ZMYND12: variants seen among roughly 807,000 people sequenced by gnomAD.
The protein encoded by ZMYND12 is zinc finger MYND domain-containing protein 12.
ZMYND12 carries 32 observed loss-of-function variants against 41.7 expected under a neutral mutation model. That is an observed-to-expected ratio of 0.77 (90% CI 0.58 to 1.03). The LOEUF is 1.03. Ranked by LOEUF, ZMYND12 falls within the 50% of genes least tolerant of loss-of-function variation. The probability of loss-of-function intolerance (pLI) is 0.00; values close to 1 mark genes in which losing one functional copy is unlikely to be tolerated. For missense variants in ZMYND12, 424 were observed against 438.5 expected, an observed-to-expected ratio of 0.97 and a Z score of 0.30; for synonymous variants, 148 against 164.8, an observed-to-expected ratio of 0.90 and a Z score of 0.78.
In ZMYND12 at chr1:42,433,237, A is replaced by G. The variant is rs1642873113; in HGVS notation, c.881T>C (p.Ile294Thr). The change falls in exon 7 of 8, where the codon ATT (isoleucine) becomes ACT (threonine). Residue 294 changes from isoleucine to threonine, a missense_variant. By Grantham distance (89) the Ile-to-Thr change is moderately conservative. Transcript: ENST00000372565. Reference protein sequence around the residue: ...AIRILTSILNIRESTSDKAPQ... With the variant: ...AIRILTSILNTRESTSDKAPQ... ...GGCTTTGTCAGATGTAGATTCTCGA[A>G]TGTTCAAGATTGAAGTCAGGATGCG... 6.2e-7 allele frequency: 1 copy of G among 1,612,550 alleles called. No individual in the cohort carries two copies. The highest frequency in any genetic ancestry group is 8.5e-7 in the Non-Finnish European group (1 of 1,179,568).
At chr1:42,446,726 A>G (rs1018763016) in intron 3 of ZMYND12, among the ~76,000 whole-genome samples, 1 of 151,838 alleles carries the variant, frequency 6.6e-6, no homozygotes, top group African/African-American at 2.4e-5. Flanking sequence ...CCATTATTAT[A>G]TTTACACTTA....
intron 6 of ZMYND12, among the ~76,000 whole-genome samples, chr1:42,434,479 C>T (rs552913856): frequency 4.6e-5 from 7 of 152,050 alleles, no homozygotes; most frequent in South Asian, 2.1e-4. Flanking sequence ...TGTTAGGAAT[C>T]GGGCTGCACA....
rs751968514 is a variant in ZMYND12, at chr1:42,433,225, G to A, written c.893C>T (p.Thr298Ile). 9.3e-6 allele frequency: 15 copies of A among 1,612,900 alleles called. No individual in the cohort carries two copies. Among genetic ancestry groups the A allele is most frequent in the Non-Finnish European group, 1.2e-5 (14 of 1,179,612 alleles). The change falls in exon 7 of 8, where the codon ACA (threonine) becomes ATA (isoleucine). Residue 298 changes from threonine (T) to isoleucine (I), a missense_variant. By Grantham distance (89) the Thr-to-Ile change is moderately conservative. Coordinates refer to ENST00000372565, the MANE Select transcript of ZMYND12 (RefSeq NM_032257.5). Reference protein sequence around the residue: ...LTSILNIRESTSDKAPQKTIF... With the variant: ...LTSILNIRESISDKAPQKTIF... ...GGTTTTTTGGGGGGCTTTGTCAGATGTAGATTCTCGAATGTTCAAGATTGA... is the reference window on the plus strand; with the variant it reads ...GGTTTTTTGGGGGGCTTTGTCAGATATAGATTCTCGAATGTTCAAGATTGA...
Position 42,455,954 on chromosome 1 carries a change from A to C in ZMYND12, c.44T>G (p.Leu15Arg). The change falls in exon 1 of 8, where the codon CTC (leucine) becomes CGC (arginine). Residue 15 changes from leucine (L) to arginine (R), a missense_variant. Transcript: ENST00000372565. ...TGGGGCTTCGCACACCTCACAGCAG[A>C]GTCTGCGCCCCTTGGGGACTGCCAG... ...YPLAVPKGRR[L>R]CCEVCEAPAE... 6.2e-7 allele frequency: 1 copy of C among 1,613,754 alleles called. No individual in the cohort carries two copies. Among genetic ancestry groups the C allele is most frequent in the Non-Finnish European group, 8.5e-7 (1 of 1,180,008 alleles).
intron 1 of ZMYND12, 126 bp downstream of exon 1, chr1:42,455,762 A>T: frequency 1.5e-6 from 1 of 667,500 alleles, no homozygotes; most frequent in Non-Finnish European, 2.5e-6. Context: ...GGCCTGTCTT[A>T]AAGCCGTTTT....
intron 3 of ZMYND12, among the ~76,000 whole-genome samples, chr1:42,440,376 G>A (rs1198413625): frequency 6.6e-6 from 1 of 152,158 alleles, no homozygotes; most frequent in African/African-American, 2.4e-5. Flanking sequence ...CTAAGTGAAA[G>A]AAACCAGACA....
At chr1:42,446,973 T>A (rs1001403332) in intron 3 of ZMYND12, among the ~76,000 whole-genome samples, 1 of 152,048 alleles carries the variant, frequency 6.6e-6, no homozygotes, top group Non-Finnish European at 1.5e-5. Flanking sequence ...AGTTTGAGGA[T>A]CAAATTAACG....
At chr1:42,437,764 C>A (rs572544457) in intron 4 of ZMYND12, among the ~76,000 whole-genome samples, 2 of 152,188 alleles carry the variant, frequency 1.3e-5, no homozygotes, top group African/African-American at 4.8e-5. Context: ...TCACTGCAAC[C>A]TCTGCCTCCC....
Position 42,433,259 on chromosome 1 carries a change from T to A in ZMYND12, c.859A>T (p.Ile287Phe). Reference protein sequence around the residue: ...DEAQEAEAIRILTSILNIRES... With the variant: ...DEAQEAEAIRFLTSILNIRES... ...CGAATGTTCAAGATTGAAGTCAGGATGCGAATGGCTTCTGCTTCTTGGGCT... is the reference window on the plus strand; with the variant it reads ...CGAATGTTCAAGATTGAAGTCAGGAAGCGAATGGCTTCTGCTTCTTGGGCT... Residue 287 changes from isoleucine (I) to phenylalanine (F), a missense_variant, in exon 7 of 8, where the codon ATC becomes TTC. Coordinates refer to ENST00000372565, the MANE Select transcript of ZMYND12 (RefSeq NM_032257.5). 1 of 1,608,728 alleles carries A rather than the reference T, an allele frequency of 6.2e-7. No homozygotes were observed. The highest frequency in any genetic ancestry group is 8.5e-7 in the Non-Finnish European group (1 of 1,178,608).
At chr1:42,442,811 A>C (rs1394190494) in intron 3 of ZMYND12, among the ~76,000 whole-genome samples, 4 of 152,192 alleles carry the variant, frequency 2.6e-5, no homozygotes, top group African/African-American at 4.8e-5. Flanking sequence ...GTCTACAAGA[A>C]GAAGGAAGTA....
chr1:42,433,470 C>T (rs577335012), intron 6 of ZMYND12, among the ~76,000 whole-genome samples, 182 bp from the exon 7 acceptor site: 1 of 152,310 alleles, frequency 6.6e-6, no homozygotes, highest in Admixed American at 6.5e-5. Context: ...AAGCAGGAAG[C>T]TCCGAAGCAG....
At chr1:42,440,061 T>C in intron 3 of ZMYND12, 36 bp from the exon 4 acceptor site, 5 of 1,555,784 alleles carry the variant, frequency 3.2e-6, no homozygotes, top group Non-Finnish European at 3.5e-6. Flanking sequence ...ATAATTCATA[T>C]CCAGGCCAAA....
chr1:42,439,031 G>C (rs148361088), intron 4 of ZMYND12, among the ~76,000 whole-genome samples: 1 of 152,170 alleles, frequency 6.6e-6, no homozygotes, highest in East Asian at 1.9e-4. Context: ...TATACATCTA[G>C]CTCTTTTAAA....
At chr1:42,443,283 G>A (rs1329728849) in intron 3 of ZMYND12, among the ~76,000 whole-genome samples, 1 of 152,204 alleles carries the variant, frequency 6.6e-6, no homozygotes, top group African/African-American at 2.4e-5. Context: ...TGACCAGTGA[G>A]TGCGTAAGTT....
chr1:42,431,487 G>A (rs915178644), intron 7 of ZMYND12, among the ~76,000 whole-genome samples: 1 of 152,212 alleles, frequency 6.6e-6, no homozygotes, highest in Non-Finnish European at 1.5e-5. Flanking sequence ...AAGCATTAGA[G>A]GTAGTAGTGG....
chr1:42,433,497 T>C (rs914126393), intron 6 of ZMYND12, among the ~76,000 whole-genome samples: 4 of 152,228 alleles, frequency 2.6e-5, no homozygotes. Flanking sequence ...CAGACCGCTT[T>C]CCAGCTTTGC....
chr1:42,437,322 A>C, intron 4 of ZMYND12, among the ~76,000 whole-genome samples: 1 of 152,238 alleles, frequency 6.6e-6, no homozygotes, highest in African/African-American at 2.4e-5. Context: ...TCTTTGGGGT[A>C]ATGGAAATGT....
intron 4 of ZMYND12, among the ~76,000 whole-genome samples, chr1:42,439,006 C>T (rs908825917): frequency 2.6e-5 from 4 of 152,168 alleles, no homozygotes; most frequent in Admixed American, 6.5e-5. Flanking sequence ...GTTTTATCAT[C>T]GATAAGTGCT....
intron 4 of ZMYND12, among the ~76,000 whole-genome samples, chr1:42,438,031 G>C (rs776847732): frequency 1.3e-5 from 2 of 150,698 alleles, no homozygotes; most frequent in Admixed American, 6.6e-5. Flanking sequence ...GGCTGGTCTC[G>C]AACTCCTGAC....
Sources: allele counts gnomAD v4.1 joint callset (sites outside exome capture counted in the v4.1 genomes callset), GRCh38; gene constraint gnomAD v4.1.1; transcripts MANE v1.5; gene names NCBI Gene and HGNC (gene_info 2026-07-23, HGNC 2026-07-21).